Variants in SLCO3A1 observed in about 807,000 individuals in gnomAD.
SLCO3A1 encodes solute carrier organic anion transporter family member 3A1, also known as PGE1 transporter.
SLCO3A1 carries 27 observed loss-of-function variants against 63.1 expected under a neutral mutation model. The ratio of observed to expected loss-of-function variants is 0.43; its 90% CI spans 0.32 to 0.59. The LOEUF (loss-of-function observed/expected upper bound fraction) is 0.59, where lower values mean the gene tolerates loss of function less well. Ranked by LOEUF, SLCO3A1 falls within the 20% of genes least tolerant of loss-of-function variation. The pLI is 0.09. For missense variants in SLCO3A1, 773 were observed against 945.8 expected (o/e 0.82, Z 2.40); for synonymous variants, 473 against 409.9 (o/e 1.15, Z -1.86).
rs758044358 is a variant in SLCO3A1, at chr15:92,150,968, C to T, written c.1707C>T (p.Leu569=). 6.2e-7 allele frequency: 1 copy of T among 1,612,662 alleles called. No homozygotes were observed. Among genetic ancestry groups the T allele is most frequent in the Non-Finnish European group, 8.5e-7 (1 of 1,179,466 alleles). ...IILIRTVSPE[L]KSYALGVLFL... is the part of the protein sequence containing the mutation. ...CACGTAGGACAGTCAGCCCTGAACT[C>T]AAGTCTTACGCTTTGGGAGTTCTTT... Residue 569 remains leucine (L), a synonymous_variant, in exon 9 of 10, where the codon CTC becomes CTT. Coordinates refer to ENST00000318445, the MANE Select transcript of SLCO3A1 (RefSeq NM_013272.4).
chr15:91,854,198 C>A lies in SLCO3A1; in HGVS notation c.180+110C>A. 8.6e-7 allele frequency: 1 copy of A among 1,165,892 alleles called. No homozygotes were observed. Among genetic ancestry groups the A allele is most frequent in the Non-Finnish European group, 1.1e-6 (1 of 910,910 alleles). 72.2% of individuals were successfully genotyped at this position (1,165,892 alleles called of 1,614,324 possible). ...GGCGCTGGGGGCAGGCGGGCATGACCTCGGCCCGGCGTGGAGGTTGGCGAG... is the reference window on the plus strand; with the variant it reads ...GGCGCTGGGGGCAGGCGGGCATGACATCGGCCCGGCGTGGAGGTTGGCGAG... On this transcript the variant is annotated intron_variant, in intron 1 of 9. Coordinates refer to ENST00000318445, the MANE Select transcript of SLCO3A1 (RefSeq NM_013272.4). This position sits in a 1 kb window ranked among gnomAD's most constrained non-coding sequence, Gnocchi z 6.4.
chr15:92,108,687 A>G (rs1456797914), intron 4 of SLCO3A1, among the ~76,000 whole-genome samples: 1 of 152,182 alleles, frequency 6.6e-6, no homozygotes, highest in Non-Finnish European at 1.5e-5. Context: ...CCGCATGTCC[A>G]TCTGCCTTCT....
At position 92,079,057 on chromosome 15, in the gene SLCO3A1, A is replaced by C. The variant is rs113805828; in HGVS notation, c.647-15824A>C. ...CTAGGCACGGTGAGGGGGTCCAGCG[A>C]TAATGAGTAAAATGGTCCCACAGGT... is the stretch of plus-strand genomic sequence containing the variant. On this transcript the variant is annotated intron_variant, in intron 2 of 9. Coordinates refer to ENST00000318445, the MANE Select transcript of SLCO3A1 (RefSeq NM_013272.4). 4.9e-3 allele frequency among the ~76,000 whole-genome samples: 744 copies of C among 152,342 alleles called. 9 individuals are homozygous for C. The highest frequency in any genetic ancestry group is 0.017 in the African/African-American group (690 of 41,586).
At position 91,912,243 on chromosome 15, in the gene SLCO3A1, A is replaced by G. The variant is rs1411337656; in HGVS notation, c.181-3750A>G. ...GGCTACAAGTGGGTTTTATGGCCTCATGCATACTTAGTCTGTCTTCTCAAA... is the reference window on the plus strand; with the variant it reads ...GGCTACAAGTGGGTTTTATGGCCTCGTGCATACTTAGTCTGTCTTCTCAAA... On this transcript the variant is annotated intron_variant, in intron 1 of 9. Coordinates refer to ENST00000318445, the MANE Select transcript of SLCO3A1 (RefSeq NM_013272.4). This position sits in a 1 kb window ranked among gnomAD's most constrained non-coding sequence, Gnocchi z 5.0. Among the ~76,000 whole-genome samples the G allele has an allele frequency of 6.6e-6, 1 of 152,190 alleles. No homozygotes were observed. Among genetic ancestry groups the G allele is most frequent in the Non-Finnish European group, 1.5e-5 (1 of 68,034 alleles).
In SLCO3A1 at chr15:91,875,397, ACT is replaced by A. The variant is rs1278184971; in HGVS notation, c.180+21315_180+21316del. Among the ~76,000 whole-genome samples, 3 of 151,440 alleles carry A rather than the reference ACT, an allele frequency of 2.0e-5. No individual in the cohort carries two copies. Among genetic ancestry groups the A allele is most frequent in the Non-Finnish European group, 4.4e-5 (3 of 67,888 alleles). On this transcript the variant is annotated intron_variant, in intron 1 of 9. Transcript: ENST00000318445. The surrounding 1 kb of genome is among the most constrained non-coding windows in gnomAD (Gnocchi z 4.5). ...GATGTTGGCACTGCCTTTCCAGTTTACTCTCTCCACAGGGTAAAAACTGGACT... is the reference window on the plus strand; with the variant it reads ...GATGTTGGCACTGCCTTTCCAGTTTACTCTCCACAGGGTAAAAACTGGACT...
intron 9 of SLCO3A1, among the ~76,000 whole-genome samples, chr15:92,159,808 A>T (rs2048415425): frequency 6.6e-6 from 1 of 152,250 alleles, no homozygotes; most frequent in Admixed American, 6.5e-5. Flanking sequence ...TTAGAAGACA[A>T]CCAAGTATTA....
rs143170066 is a variant in SLCO3A1, at chr15:91,909,687, C to G, written c.181-6306C>G. 5.9e-5 allele frequency among the ~76,000 whole-genome samples: 9 copies of G among 152,304 alleles called. No homozygotes were observed. In the East Asian group the frequency reaches 1.7e-3, roughly 29 times the overall value. ...AATGCAGGCTCTCCACACTGCACTC[C>G]CGGGCTCCTCCCAGCCTCATAGAGC... On this transcript the variant is annotated intron_variant, in intron 1 of 9. Transcript: ENST00000318445.
intron 6 of SLCO3A1, among the ~76,000 whole-genome samples, chr15:92,127,532 C>T (rs2047940026): frequency 6.6e-6 from 1 of 152,088 alleles, no homozygotes; most frequent in Non-Finnish European, 1.5e-5. Context: ...TAGTGCATGA[C>T]GCATAAATTG....
At chr15:92,108,020 G>T (rs1052324994) in intron 4 of SLCO3A1, among the ~76,000 whole-genome samples, 2 of 152,168 alleles carry the variant, frequency 1.3e-5, no homozygotes, top group Non-Finnish European at 2.9e-5. Context: ...TCTGTGGTTC[G>T]ATTTTCAGAA....
intron 1 of SLCO3A1, among the ~76,000 whole-genome samples, chr15:91,902,788 T>G (rs1174148911): frequency 6.6e-6 from 1 of 152,126 alleles, no homozygotes; most frequent in Admixed American, 6.5e-5. Context: ...GCAGATAAAG[T>G]GTGGACTCTG....
intron 2 of SLCO3A1, among the ~76,000 whole-genome samples, chr15:92,041,756 C>T (rs184506440): frequency 2.6e-5 from 4 of 152,140 alleles, no homozygotes; most frequent in East Asian, 1.9e-4. Context: ...TCCAAGGAGA[C>T]GAAATACCAT....
intron 1 of SLCO3A1, among the ~76,000 whole-genome samples, chr15:91,879,090 A>G (rs1406335351): frequency 6.6e-6 from 1 of 152,226 alleles, no homozygotes; most frequent in Non-Finnish European, 1.5e-5. Flanking sequence ...ACCCACATGC[A>G]AATTCTGAAG....
At chr15:92,025,175 T>C (rs1795821126) in intron 2 of SLCO3A1, among the ~76,000 whole-genome samples, 1 of 151,192 alleles carries the variant, frequency 6.6e-6, no homozygotes, top group African/African-American at 2.5e-5. Context: ...CCTTTTTTTT[T>C]TTTTTTGCTT....
chr15:92,132,772 G>A (rs1006652171), intron 7 of SLCO3A1, among the ~76,000 whole-genome samples: 1 of 145,416 alleles, frequency 6.9e-6, no homozygotes, highest in Admixed American at 6.9e-5. Flanking sequence ...TCAGTGAAAT[G>A]CCAAGTAGGT....
At position 91,950,321 on chromosome 15, in the gene SLCO3A1, G is replaced by A. The variant is rs1258175079; in HGVS notation, c.646+33863G>A. On this transcript the variant is annotated intron_variant, in intron 2 of 9. Coordinates refer to ENST00000318445, the MANE Select transcript of SLCO3A1 (RefSeq NM_013272.4). The surrounding 1 kb of genome is among the most constrained non-coding windows in gnomAD (Gnocchi z 4.4). The stretch of plus-strand genomic sequence containing the variant: ...CAGAGATCAGTCTGCAGTGGTGGGT[G>A]AAGACAGCCAGTCGTGTTGCACGTG... 6.6e-6 allele frequency among the ~76,000 whole-genome samples: 1 copy of A among 152,210 alleles called. No individual in the cohort carries two copies. The highest frequency in any genetic ancestry group is 1.9e-4 in the East Asian group (1 of 5,192).
At chr15:91,893,564 C>T (rs1301627314) in intron 1 of SLCO3A1, among the ~76,000 whole-genome samples, 2 of 152,184 alleles carry the variant, frequency 1.3e-5, no homozygotes, top group Non-Finnish European at 2.9e-5. Flanking sequence ...GGGCCTCACC[C>T]TCATGACTTA....
intron 1 of SLCO3A1, among the ~76,000 whole-genome samples, chr15:91,880,440 T>G (rs975796096): frequency 3.8e-4 from 56 of 147,816 alleles, no homozygotes; most frequent in Non-Finnish European, 2.2e-4. Context: ...TCTTTGCAGT[T>G]TCATCACTTG....
At chr15:92,025,039 A>G (rs112585330) in intron 2 of SLCO3A1, among the ~76,000 whole-genome samples, 80 of 152,050 alleles carry the variant, frequency 5.3e-4, no homozygotes, top group African/African-American at 1.9e-3. Context: ...CTATCCATCC[A>G]TGCATCTATC....
At chr15:91,928,549 C>G (rs1899114514) in intron 2 of SLCO3A1, among the ~76,000 whole-genome samples, 1 of 152,150 alleles carries the variant, frequency 6.6e-6, no homozygotes, top group Admixed American at 6.5e-5. Flanking sequence ...ATATAGGACC[C>G]CAAGAATGTC....
Sources: allele counts gnomAD v4.1 joint callset (sites outside exome capture counted in the v4.1 genomes callset), GRCh38; gene constraint gnomAD v4.1.1; non-coding constraint Gnocchi (gnomAD v3.1); transcripts MANE v1.5; gene names NCBI Gene and HGNC (gene_info 2026-07-23, HGNC 2026-07-21).